The following SLC24A3 variants were observed in gnomAD, a reference collection of about 807,000 sequenced individuals.
The protein encoded by SLC24A3 is sodium/potassium/calcium exchanger 3.
SLC24A3 carries 28 observed loss-of-function variants against 75.8 expected under a neutral mutation model. The ratio of observed to expected loss-of-function variants is 0.37; its 90% CI spans 0.27 to 0.51. The LOEUF is 0.51. Among genes scored for constraint, SLC24A3 ranks in the 20% least tolerant of loss-of-function variants. SLC24A3 has a pLI of 0.94. For missense variants in SLC24A3, 663 were observed against 847.8 expected (o/e 0.78, Z 2.71); for synonymous variants, 372 against 334.1 (o/e 1.11, Z -1.24).
intron 6 of SLC24A3, among the ~76,000 whole-genome samples, chr20:19,627,759 G>A (rs953169372): frequency 6.6e-6 from 1 of 152,154 alleles, no homozygotes; most frequent in South Asian, 2.1e-4. Flanking sequence ...AGTGATTTGT[G>A]AAACATTTAA....
In SLC24A3 at chr20:19,700,951, T is replaced by C. The variant is rs1304296401; in HGVS notation, c.1719+2271T>C. The stretch of plus-strand genomic sequence containing the variant: ...TTTTCAAGTTAACATTTCAAGTTCT[T>C]CTTTAGATGATTTTTCTCAGTGTTA... On this transcript the variant is annotated intron_variant, in intron 15 of 16. Coordinates refer to ENST00000328041, the MANE Select transcript of SLC24A3 (RefSeq NM_020689.4). Among the ~76,000 whole-genome samples, 3 of 152,240 alleles carry C rather than the reference T, an allele frequency of 2.0e-5. No homozygotes were observed. The East Asian group carries it at 5.8e-4, about 29-fold the overall frequency.
At chr20:19,683,890 C>A (rs2032642377) in intron 10 of SLC24A3, among the ~76,000 whole-genome samples, 1 of 152,016 alleles carries the variant, frequency 6.6e-6, no homozygotes, top group Admixed American at 6.5e-5. Context: ...CCCTTCCTGG[C>A]TGGCTGGATG....
At chr20:19,525,809 G>C (rs1199308860) in intron 3 of SLC24A3, among the ~76,000 whole-genome samples, 1 of 152,140 alleles carries the variant, frequency 6.6e-6, no homozygotes, top group African/African-American at 2.4e-5. Context: ...CTAGGCTTCA[G>C]CTGAAGCTCC....
chr20:19,575,461 G>A (rs539826394), intron 3 of SLC24A3, among the ~76,000 whole-genome samples: 20 of 152,202 alleles, frequency 1.3e-4, no homozygotes, highest in South Asian at 6.2e-4. Flanking sequence ...CATAAAACAC[G>A]GCTCATGGTC....
At chr20:19,224,106 T>TGGTGTGAGTGTGTGAGTGTGTGTGTGTG (rs1981808687) in intron 1 of SLC24A3, among the ~76,000 whole-genome samples, 1 of 137,372 alleles carries the variant, frequency 7.3e-6, no homozygotes, top group Non-Finnish European at 1.5e-5. Flanking sequence ...TGTACCCATG[T>TGGTGTGAGTGTGTGAGTGTGTGTGTGTG]GGTGTGAGTG....
intron 6 of SLC24A3, among the ~76,000 whole-genome samples, chr20:19,601,781 G>A (rs1320058105): frequency 1.3e-5 from 2 of 152,148 alleles, no homozygotes; most frequent in African/African-American, 4.8e-5. Context: ...TGCAGTGCTG[G>A]TGTTTTCCAT....
chr20:19,663,654 C>T (rs6046232), intron 7 of SLC24A3, among the ~76,000 whole-genome samples: 1 of 151,610 alleles, frequency 6.6e-6, no homozygotes, highest in African/African-American at 2.4e-5. Context: ...GTCTGCCTCC[C>T]TGAACCATAT....
At chr20:19,245,056 A>G (rs1203173686) in intron 1 of SLC24A3, among the ~76,000 whole-genome samples, 1 of 152,172 alleles carries the variant, frequency 6.6e-6, no homozygotes, top group African/African-American at 2.4e-5. Flanking sequence ...ATTAATAAAC[A>G]GGGGACTGTA....
chr20:19,487,170 G>T (rs997629182), intron 2 of SLC24A3, among the ~76,000 whole-genome samples: 1 of 152,164 alleles, frequency 6.6e-6, no homozygotes, highest in South Asian at 2.1e-4. Context: ...CTCCCATAGA[G>T]CTGAGTGCTC....
At chr20:19,560,701 T>G (rs189166661) in intron 3 of SLC24A3, among the ~76,000 whole-genome samples, 2 of 152,330 alleles carry the variant, frequency 1.3e-5, no homozygotes, top group Admixed American at 1.3e-4. Flanking sequence ...TCGGTGTCCA[T>G]TAAATAATGC....
chr20:19,698,672 G>T lies in SLC24A3; in HGVS notation c.1711G>T (p.Gly571Ter), dbSNP rs143870319. ...WALQTLAVDY[G>*]SYIRLNSRGL... ...TCTGCAGACCCTGGCTGTGGATTACGGATCCTACGTAAGTGGTTTTCTCCA... is the reference window on the plus strand; with the variant it reads ...TCTGCAGACCCTGGCTGTGGATTACTGATCCTACGTAAGTGGTTTTCTCCA... Residue 571 changes from glycine (G) to a stop codon, truncating the protein, a stop_gained, in exon 15 of 17, where the codon GGA becomes TGA. Coordinates refer to ENST00000328041, the MANE Select transcript of SLC24A3 (RefSeq NM_020689.4). LOFTEE classifies it high-confidence loss of function. 2 of 1,577,672 alleles carry T rather than the reference G, an allele frequency of 1.3e-6. No homozygotes were observed. Among genetic ancestry groups the T allele is most frequent in the Non-Finnish European group, 8.6e-7 (1 of 1,159,220 alleles).
intron 2 of SLC24A3, among the ~76,000 whole-genome samples, chr20:19,289,015 T>A (rs1432480031): frequency 2.0e-5 from 3 of 152,190 alleles, no homozygotes; most frequent in African/African-American, 7.2e-5. Context: ...TTCCAGGCTC[T>A]GTGACAGTTG....
At chr20:19,282,653 C>A (rs553047224) in intron 2 of SLC24A3, among the ~76,000 whole-genome samples, 96 of 152,352 alleles carry the variant, frequency 6.3e-4, no homozygotes, top group African/African-American at 2.3e-3. Flanking sequence ...GATTAATCAG[C>A]TAATAGTATT....
intron 2 of SLC24A3, among the ~76,000 whole-genome samples, chr20:19,311,959 T>TA (rs1984469145): frequency 6.6e-6 from 1 of 152,070 alleles, no homozygotes; most frequent in Non-Finnish European, 1.5e-5. Context: ...TTTCCTCTGT[T>TA]GTGGGTCATG....
chr20:19,681,959 A>G lies in SLC24A3; in HGVS notation c.869A>G (p.Asn290Ser), dbSNP rs375389846. The G allele has an allele frequency of 1.2e-6, 2 of 1,614,218 alleles. No individual in the cohort carries two copies. Among genetic ancestry groups the G allele is most frequent in the African/African-American group, 2.7e-5 (2 of 75,060 alleles). Residue 290 changes from asparagine to serine, a missense_variant, in exon 10 of 17, where the codon AAC (asparagine) becomes AGC (serine). Transcript: ENST00000328041. ...ANNAEIDDSS[N>S]CDATVVLLKK... ...AATGCTGAAATTGATGACAGCAGCA[A>G]CTGCGACGCAACTGTGGTGCTACTT...
intron 2 of SLC24A3, among the ~76,000 whole-genome samples, chr20:19,332,991 T>A (rs1985036120): frequency 6.6e-6 from 1 of 152,196 alleles, no homozygotes; most frequent in South Asian, 2.1e-4. Context: ...TTTAGCAGGC[T>A]AAAGGGGCTG....
intron 2 of SLC24A3, among the ~76,000 whole-genome samples, chr20:19,295,924 A>C (rs1251345905): frequency 6.6e-6 from 1 of 152,180 alleles, no homozygotes; most frequent in Non-Finnish European, 1.5e-5. Flanking sequence ...ATAGTTTCAG[A>C]AGAAATGGTA....
chr20:19,565,476 TTC>T (rs2030942104), intron 3 of SLC24A3, among the ~76,000 whole-genome samples: 1 of 152,174 alleles, frequency 6.6e-6, no homozygotes, highest in Non-Finnish European at 1.5e-5. Context: ...TTGCCTCAAG[TTC>T]TGTGGTGCAA....
At chr20:19,442,673 G>A (rs1221378386) in intron 2 of SLC24A3, among the ~76,000 whole-genome samples, 1 of 152,080 alleles carries the variant, frequency 6.6e-6, no homozygotes, top group East Asian at 1.9e-4. Context: ...CACTCTCTGA[G>A]CAGTGTCTTT....
Sources: gnomAD v4.1 joint callset for allele counts (sites outside exome capture counted in the v4.1 genomes callset) on GRCh38, gnomAD v4.1.1 for gene constraint, MANE v1.5 for transcripts, NCBI Gene and HGNC (gene_info 2026-07-23, HGNC 2026-07-21) for gene names.